ADAM18: variants seen among roughly 807,000 people sequenced by gnomAD.
ADAM18 encodes ADAM metallopeptidase domain 18, also known as disintegrin and metalloproteinase domain-containing protein 18.
A neutral mutation model predicts 94.4 loss-of-function variants in ADAM18; 117 were observed. The ratio of observed to expected loss-of-function variants is 1.24; its 90% confidence interval spans 1.07 to 1.45. The LOEUF is 1.45. Ranked by LOEUF, ADAM18 falls within the 40% of genes most tolerant of loss-of-function variation. ADAM18 has a pLI of 0.00. For missense variants in ADAM18, 936 were observed against 880.0 expected, an observed-to-expected ratio of 1.06 and a Z score of -0.81; for synonymous variants, 327 against 291.6, an observed-to-expected ratio of 1.12 and a Z score of -1.24.
Position 39,637,264 on chromosome 8 carries a change from T to G in ADAM18, c.589T>G (p.Tyr197Asp). Residue 197 changes from tyrosine (Y) to aspartate (D), a missense_variant and splice_region_variant, in exon 8 of 20, where the codon TAT becomes GAT. Physicochemically the swap from Tyr to Asp is radical, Grantham distance 160. Coordinates refer to ENST00000265707, the MANE Select transcript of ADAM18 (RefSeq NM_014237.3). Reference protein sequence around the residue: ...EIYIIVEKALYDYMGSEMMAV... With the variant: ...EIYIIVEKALDDYMGSEMMAV... ...ATGAAAAATAAAATTTCTTTTTCAGTATGATTATATGGGATCTGAAATGAT... is the reference window on the plus strand; with the variant it reads ...ATGAAAAATAAAATTTCTTTTTCAGGATGATTATATGGGATCTGAAATGAT... 3 of 1,580,862 alleles carry G rather than the reference T, an allele frequency of 1.9e-6. No homozygotes were observed. In the South Asian group the frequency reaches 3.6e-5, roughly 19 times the overall value.
At chr8:39,647,672 G>A (rs35583115) in intron 11 of ADAM18, among the ~76,000 whole-genome samples, 60,540 of 152,056 alleles carry the variant, frequency 0.4, 13,614 homozygotes, top group Middle Eastern at 0.54. Context: ...CCAGGGCAGA[G>A]GTCCCTGTGG....
intron 7 of ADAM18, among the ~76,000 whole-genome samples, chr8:39,629,725 A>G (rs1819880522): frequency 6.7e-6 from 1 of 150,194 alleles, no homozygotes; most frequent in Non-Finnish European, 1.5e-5. Flanking sequence ...TCTTTTTATA[A>G]CTTAGTGAAA....
intron 17 of ADAM18, among the ~76,000 whole-genome samples, chr8:39,697,232 A>G (rs1028055007): frequency 6.6e-6 from 1 of 151,666 alleles, no homozygotes; most frequent in Non-Finnish European, 1.5e-5. Flanking sequence ...GTATCCTGCA[A>G]CTTTGTTAAT....
intron 12 of ADAM18, among the ~76,000 whole-genome samples, chr8:39,655,592 C>CAGTG (rs1190362814): frequency 6.6e-6 from 1 of 151,996 alleles, no homozygotes; most frequent in Non-Finnish European, 1.5e-5. Context: ...AGAAATGAGG[C>CAGTG]AGTGATATCT....
chr8:39,671,469 T>C (rs1821154745), intron 14 of ADAM18, among the ~76,000 whole-genome samples: 1 of 152,192 alleles, frequency 6.6e-6, no homozygotes, highest in Non-Finnish European at 1.5e-5. Flanking sequence ...CCCTCATCTT[T>C]TAAAAAAGAG....
At chr8:39,602,335 A>G (rs193255607) in intron 2 of ADAM18, among the ~76,000 whole-genome samples, 1 of 152,320 alleles carries the variant, frequency 6.6e-6, no homozygotes, top group African/African-American at 2.4e-5. Flanking sequence ...CTACGTACAC[A>G]CCAACATTTG....
At chr8:39,685,630 G>A (rs750612679) in intron 16 of ADAM18, among the ~76,000 whole-genome samples, 17 of 152,012 alleles carry the variant, frequency 1.1e-4, no homozygotes, top group Non-Finnish European at 1.8e-4. Flanking sequence ...CTTGGTGTTC[G>A]CTCCTGAACA....
At position 39,712,828 on chromosome 8, in the gene ADAM18, T is replaced by A. The variant is rs1489877317; in HGVS notation, c.2017+5924T>A. 2.0e-5 allele frequency among the ~76,000 whole-genome samples: 3 copies of A among 152,170 alleles called. No individual in the cohort carries two copies. In the East Asian group the frequency reaches 5.8e-4, roughly 29 times the overall value. ...TGGAAGAACAGTCCATGCTCATGAATAGGAAGAATCAGTATCGTGAAAATG... is the reference window on the plus strand; with the variant it reads ...TGGAAGAACAGTCCATGCTCATGAAAAGGAAGAATCAGTATCGTGAAAATG... On this transcript the variant is annotated intron_variant, in intron 18 of 19. Transcript: ENST00000265707.
In ADAM18 at chr8:39,677,482, A is replaced by C. The variant is rs1264314960; in HGVS notation, c.1577A>C (p.Glu526Ala). Reference protein sequence around the residue: ...ACFKEVNSLHERSENCGFKNS... With the variant: ...ACFKEVNSLHARSENCGFKNS... ...TTTAAAGAAGTTAATTCTCTGCATG[A>C]AAGATCTGAAAACTGTGGTTTTAAA... Residue 526 changes from glutamate (E) to alanine (A), a missense_variant, in exon 15 of 20, where the codon GAA (glutamate) becomes GCA (alanine). Glu to Ala is a moderately radical substitution (Grantham distance 107). Transcript: ENST00000265707. The C allele has an allele frequency of 1.5e-5, 24 of 1,611,050 alleles. No individual in the cohort carries two copies. Among genetic ancestry groups the C allele is most frequent in the Non-Finnish European group, 2.0e-5 (23 of 1,179,392 alleles).
At chr8:39,723,685 A>T in intron 18 of ADAM18, 63 bp from the exon 19 acceptor site, 1 of 1,202,390 alleles carries the variant, frequency 8.3e-7, no homozygotes, top group Non-Finnish European at 1.1e-6. Context: ...TTAAGTGAAA[A>T]AATATAAATT....
chr8:39,678,787 G>T (rs999455527), intron 15 of ADAM18, among the ~76,000 whole-genome samples: 1 of 152,150 alleles, frequency 6.6e-6, no homozygotes. Flanking sequence ...TGTGATAATA[G>T]TACATGAATT....
At chr8:39,708,078 G>A (rs942255822) in intron 18 of ADAM18, among the ~76,000 whole-genome samples, 1 of 152,200 alleles carries the variant, frequency 6.6e-6, no homozygotes, top group Non-Finnish European at 1.5e-5. Flanking sequence ...GGGTGAGACA[G>A]AAAGGAATGA....
intron 14 of ADAM18, among the ~76,000 whole-genome samples, chr8:39,674,417 T>A (rs950169598): frequency 2.6e-5 from 4 of 152,196 alleles, no homozygotes; most frequent in African/African-American, 7.2e-5. Flanking sequence ...GTTTAAAGTT[T>A]GTTTTATCAG....
chr8:39,679,583 G>A (rs1025216307), intron 15 of ADAM18, among the ~76,000 whole-genome samples: 1 of 152,186 alleles, frequency 6.6e-6, no homozygotes, highest in Non-Finnish European at 1.5e-5. Context: ...TGAAGGTTGT[G>A]TATACTGCAG....
At chr8:39,701,374 G>C (rs117398966) in intron 17 of ADAM18, among the ~76,000 whole-genome samples, 1 of 151,282 alleles carries the variant, frequency 6.6e-6, no homozygotes, top group African/African-American at 2.4e-5. Context: ...TAATCTCTGC[G>C]TTTTATTAAG....
intron 14 of ADAM18, among the ~76,000 whole-genome samples, chr8:39,673,548 A>G (rs758629483): frequency 1.3e-5 from 2 of 150,810 alleles, no homozygotes; most frequent in African/African-American, 2.4e-5. Context: ...ATTCCCACCT[A>G]TGAGTGAGAA....
At chr8:39,652,587 T>G (rs1357765780) in intron 12 of ADAM18, among the ~76,000 whole-genome samples, 1 of 152,144 alleles carries the variant, frequency 6.6e-6, no homozygotes, top group African/African-American at 2.4e-5. Flanking sequence ...CTTTGCACAC[T>G]ATGATGGAAA....
intron 17 of ADAM18, among the ~76,000 whole-genome samples, chr8:39,698,209 T>C (rs1821977705): frequency 6.6e-6 from 1 of 151,952 alleles, no homozygotes; most frequent in Admixed American, 6.6e-5. Context: ...AATTTGCTTT[T>C]ACAGCCTTGT....
intron 2 of ADAM18, among the ~76,000 whole-genome samples, chr8:39,600,172 G>A (rs1207125727): frequency 6.6e-6 from 1 of 152,032 alleles, no homozygotes; most frequent in Non-Finnish European, 1.5e-5. Context: ...TTAAAGAAAG[G>A]TCTGTAAACT....
Sources: gnomAD v4.1 joint callset for allele counts (sites outside exome capture counted in the v4.1 genomes callset) on GRCh38, gnomAD v4.1.1 for gene constraint, MANE v1.5 for transcripts, NCBI Gene and HGNC (gene_info 2026-07-23, HGNC 2026-07-21) for gene names.